SRPX2: variants seen among roughly 807,000 people sequenced by gnomAD.
SRPX2 encodes the protein sushi repeat containing protein X-linked 2.
SRPX2 carries 26 observed loss-of-function variants against 45.3 expected under a neutral mutation model. That is an observed-to-expected ratio of 0.57 (90% CI 0.42 to 0.80). SRPX2 has a LOEUF of 0.80. Among genes scored for constraint, SRPX2 ranks in the 30% least tolerant of loss-of-function variants. SRPX2 has a pLI of 0.00. For missense variants in SRPX2, 355 were observed against 399.8 expected, an observed-to-expected ratio of 0.89 and a Z score of 0.95; for synonymous variants, 125 against 143.7, an observed-to-expected ratio of 0.87 and a Z score of 0.93.
intron 7 of SRPX2, among the ~76,000 whole-genome samples, chrX:100,666,139 C>A (rs1467925192): frequency 8.9e-6 from 1 of 111,964 alleles, no homozygotes; most frequent in Non-Finnish European, 1.9e-5. Context: ...AAATCTATTA[C>A]CCCATCATCC....
Position 100,660,667 on chromosome X carries a change from AAAATACAAAAATT to A in SRPX2, c.164-1494_164-1482del, listed in dbSNP as rs60350793. ...ACAAGGTGAAACCCCGTCTCTACTAAAAATACAAAAATTAAATACAAAAATTAGCTGGGCGTGG... is the reference window on the plus strand; with the variant it reads ...ACAAGGTGAAACCCCGTCTCTACTAAAAATACAAAAATTAGCTGGGCGTGG... On this transcript the variant is annotated intron_variant, in intron 3 of 10. Coordinates refer to ENST00000373004, the MANE Select transcript of SRPX2 (RefSeq NM_014467.3). Among the ~76,000 whole-genome samples, 226 of 111,189 alleles carry A rather than the reference AAAATACAAAAATT, an allele frequency of 2.0e-3. 1 individual carries two copies. Among genetic ancestry groups the A allele is most frequent in the African/African-American group, 6.9e-3 (210 of 30,560 alleles).
chrX:100,657,349 C>CTTTTTTTTT (rs1163232018), intron 3 of SRPX2, among the ~76,000 whole-genome samples: 6,393 of 28,264 alleles, frequency 0.23, 2,347 homozygotes, highest in Non-Finnish European at 0.25. Context: ...TTATTTATGT[C>CTTTTTTTTT]TTTTTTTTTT....
intron 9 of SRPX2, among the ~76,000 whole-genome samples, chrX:100,668,344 A>G (rs78587898): frequency 0.25 from 418 of 1,675 alleles, 3 homozygotes; most frequent in South Asian, 0.5. Context: ...AAAAAAAAAG[A>G]AAAAAAAAAA....
chrX:100,646,992 T>C (rs769832261), intron 2 of SRPX2, among the ~76,000 whole-genome samples: 2 of 112,133 alleles, frequency 1.8e-5, no homozygotes, highest in Admixed American at 9.4e-5. Flanking sequence ...TTTCTTCTCA[T>C]TTGTTCTTTA....
At chrX:100,645,691 T>C (rs2083133245) in intron 1 of SRPX2, among the ~76,000 whole-genome samples, 1 of 111,961 alleles carries the variant, frequency 8.9e-6, no homozygotes, top group Non-Finnish European at 1.9e-5. Flanking sequence ...ATTCATGAGG[T>C]AGACAGTATT....
chrX:100,656,097 G>T (rs1011958511), intron 3 of SRPX2, among the ~76,000 whole-genome samples: 1 of 110,241 alleles, frequency 9.1e-6, no homozygotes, highest in African/African-American at 3.3e-5. Flanking sequence ...CTGACCTCAG[G>T]TGATCCGCCT....
intron 2 of SRPX2, among the ~76,000 whole-genome samples, chrX:100,647,138 G>T (rs979530711): frequency 8.9e-6 from 1 of 111,997 alleles, no homozygotes; most frequent in African/African-American, 3.2e-5. Context: ...GCATACAGAG[G>T]TTTTATATGG....
intron 4 of SRPX2, among the ~76,000 whole-genome samples, chrX:100,662,951 C>T (rs765066407): frequency 3.6e-5 from 4 of 112,152 alleles, no homozygotes; most frequent in Non-Finnish European, 7.5e-5. Context: ...GTCCATATGT[C>T]CATGGCAGAA....
intron 3 of SRPX2, among the ~76,000 whole-genome samples, chrX:100,657,593 C>T (rs189387879): frequency 1.0e-4 from 11 of 109,163 alleles, no homozygotes; most frequent in Admixed American, 2.0e-4. Flanking sequence ...TCAAATGATC[C>T]GCCTGCGGAG....
rs774112770 is a variant in SRPX2 at position 100,667,052 on chromosome X, G to C, written c.961+119G>C. 1.8e-4 allele frequency: 186 copies of C among 1,041,838 alleles called. 1 individual carries two copies. Among genetic ancestry groups the C allele is most frequent in the Non-Finnish European group, 2.3e-4 (179 of 762,188 alleles). The allele number at this position is 1,041,838 out of a possible 1,213,427, so 85.9% of individuals were successfully genotyped here. A position where few individuals can be genotyped will look rare whatever the true frequency, so the allele number is the denominator to read the frequency against. On this transcript the variant is annotated intron_variant, in intron 8 of 10. Coordinates refer to ENST00000373004, the MANE Select transcript of SRPX2 (RefSeq NM_014467.3). Reference sequence around the variant, plus strand: ...ATGATGTGGGAAAGGGGGGTTCTGGGATGTGTCTAATTTAAAGGCCAACAT... The same window carrying C: ...ATGATGTGGGAAAGGGGGGTTCTGGCATGTGTCTAATTTAAAGGCCAACAT...
At chrX:100,651,026 A>G in intron 3 of SRPX2, 161 bp downstream of exon 3, 1 of 460,995 alleles carries the variant, frequency 2.2e-6, no homozygotes, top group Non-Finnish European at 3.8e-6. Flanking sequence ...TTACTGACTT[A>G]CTGTGTGACC....
intron 2 of SRPX2, chrX:100,649,426 A>G (rs1317766778): frequency 9.1e-6 from 1 of 110,465 alleles, no homozygotes; most frequent in Non-Finnish European, 1.9e-5. Context: ...AGCAGGGGAG[A>G]TGAGGTCTGA....
intron 10 of SRPX2, among the ~76,000 whole-genome samples, chrX:100,670,307 G>A (rs764317711): frequency 1.8e-5 from 2 of 111,863 alleles, no homozygotes; most frequent in Admixed American, 9.4e-5. Flanking sequence ...AGTCTCAGTG[G>A]GGACAGAAAG....
At chrX:100,662,902 A>G (rs1227799090) in intron 4 of SRPX2, among the ~76,000 whole-genome samples, 1 of 111,577 alleles carries the variant, frequency 9.0e-6, no homozygotes, top group Admixed American at 9.5e-5. Context: ...TCTACCTCTT[A>G]CTCAAGTTCC....
chrX:100,671,062 G>A lies in SRPX2; in HGVS notation c.*75G>A. On this transcript the variant is annotated 3_prime_UTR_variant, in exon 11 of 11. Coordinates refer to ENST00000373004, the MANE Select transcript of SRPX2 (RefSeq NM_014467.3). ...CTGAAACTGGGACCTAATAAAAGGA[G>A]GAAATGTTTTCCCACAGTTCTAGGG... 1 of 1,087,926 alleles carries A rather than the reference G, an allele frequency of 9.2e-7. No homozygotes were observed. The highest frequency in any genetic ancestry group is 2.0e-5 in the South Asian group (1 of 51,248). 89.7% of individuals were successfully genotyped at this position (1,087,926 alleles called of 1,213,427 possible).
Position 100,671,061 on chromosome X carries a change from A to G in SRPX2, c.*74A>G. The G allele has an allele frequency of 9.2e-7, 1 of 1,091,913 alleles. No homozygotes were observed. Among genetic ancestry groups the G allele is most frequent in the Non-Finnish European group, 1.2e-6 (1 of 808,427 alleles). The allele number at this position is 1,091,913 out of a possible 1,213,427, so 90.0% of individuals were successfully genotyped here. On this transcript the variant is annotated 3_prime_UTR_variant, in exon 11 of 11. Coordinates refer to ENST00000373004, the MANE Select transcript of SRPX2 (RefSeq NM_014467.3). ...GCTGAAACTGGGACCTAATAAAAGG[A>G]GGAAATGTTTTCCCACAGTTCTAGG...
chrX:100,651,201 G>A, intron 3 of SRPX2: 1 of 244,589 alleles, frequency 4.1e-6, no homozygotes, highest in Admixed American at 6.0e-5. Flanking sequence ...TGATGGGGGG[G>A]TATAAAGTTA....
chrX:100,669,537 G>A, intron 10 of SRPX2, among the ~76,000 whole-genome samples, 168 bp downstream of exon 10: 1 of 111,241 alleles, frequency 9.0e-6, no homozygotes, highest in Non-Finnish European at 1.9e-5. Context: ...TAAGACCAGA[G>A]AGTAGTTTCT....
rs920931197 is a variant in SRPX2, at chrX:100,671,624, G to A, written c.*637G>A. 1.7e-5 allele frequency: 2 copies of A among 114,298 alleles called. No individual in the cohort carries two copies. The highest frequency in any genetic ancestry group is 6.6e-5 in the African/African-American group (2 of 30,093). 9.4% of individuals were successfully genotyped at this position (114,298 alleles called of 1,213,427 possible). Reference sequence around the variant, plus strand: ...CGGCTAACGTTTTGTATTTTTAGTAGAGACGGGTTTTGACCATGTTAGCCA... The same window carrying A: ...CGGCTAACGTTTTGTATTTTTAGTAAAGACGGGTTTTGACCATGTTAGCCA... On this transcript the variant is annotated 3_prime_UTR_variant, in exon 11 of 11. Coordinates refer to ENST00000373004, the MANE Select transcript of SRPX2 (RefSeq NM_014467.3).
Sources: allele counts gnomAD v4.1 joint callset (sites outside exome capture counted in the v4.1 genomes callset), GRCh38; gene constraint gnomAD v4.1.1; transcripts MANE v1.5; gene names NCBI Gene and HGNC (gene_info 2026-07-23, HGNC 2026-07-21).